The following NLRP7 variants were observed in gnomAD, a reference collection of about 807,000 sequenced individuals.
NLRP7 encodes the protein NACHT, LRR and PYD domains-containing protein 7.
Under a neutral mutation model 85.5 loss-of-function variants are expected in NLRP7, and 72 were observed. The observed-to-expected ratio is 0.84, with a 90% CI of 0.70 to 1.02. The LOEUF (loss-of-function observed/expected upper bound fraction) is 1.02. Ranked by LOEUF, NLRP7 falls within the 50% of genes least tolerant of loss-of-function variation. The pLI is 0.00. For synonymous variants in NLRP7, 550 were observed against 505.2 expected (o/e 1.09, Z -1.19); for missense variants, 1,243 against 1,219.5 (o/e 1.02, Z -0.29).
chr19:54,960,325 T>TTTGTATTTTTA (rs769532154), intron 1 of NLRP7, among the ~76,000 whole-genome samples: 4 of 151,548 alleles, frequency 2.6e-5, no homozygotes, highest in Non-Finnish European at 5.9e-5. Context: ...CCAGCTAACT[T>TTTGTATTTTTA]TTGTATTTTT....
intron 9 of NLRP7, among the ~76,000 whole-genome samples, chr19:54,928,876 C>A (rs998897551): frequency 1.3e-5 from 2 of 151,908 alleles, no homozygotes; most frequent in Non-Finnish European, 2.9e-5. Context: ...GATCTCGGCT[C>A]ACTGCAACCT....
chr19:54,963,194 G>C (rs2070120607), intron 1 of NLRP7, among the ~76,000 whole-genome samples: 1 of 151,632 alleles, frequency 6.6e-6, no homozygotes, highest in African/African-American at 2.4e-5. Flanking sequence ...CCATGGGGTT[G>C]AGACCAGCCT....
rs1378526609 is a variant in NLRP7 at position 54,930,703 on chromosome 19, C to G, written c.2643-37G>C. On this transcript the variant is annotated intron_variant, in intron 8 of 9. Transcript: ENST00000340844. ...TCAAAGGAAGAGAAGCCTGTTATCC[C>G]TCTGGCTAACGCCCTGTGAAGCAGT... is the stretch of plus-strand genomic sequence containing the variant. The G allele has an allele frequency of 3.2e-6, 5 of 1,568,970 alleles. No homozygotes were observed. The Admixed American group carries it at 8.3e-5, about 26-fold the overall frequency.
At chr19:54,932,802 C>T (rs945301330) in intron 8 of NLRP7, among the ~76,000 whole-genome samples, 6 of 151,946 alleles carry the variant, frequency 3.9e-5, no homozygotes, top group Non-Finnish European at 7.4e-5. Context: ...ACTATAGGCA[C>T]GCACCACCAA....
chr19:54,947,958 A>G (rs1252865566), upstream of NLRP7: 1 of 245,082 alleles, frequency 4.1e-6, no homozygotes, highest in Admixed American at 5.1e-5. Flanking sequence ...CTTTGTGGCC[A>G]ACTGTGGTGC....
In NLRP7 at chr19:54,938,738, C is replaced by A. The variant is rs58500957; in HGVS notation, c.1931+150G>T. 2,946 of 889,802 alleles carry A rather than the reference C, an allele frequency of 3.3e-3. 37 individuals are homozygous for A. In the African/African-American group the frequency reaches 0.038, roughly 12 times the overall value. 55.1% of individuals were successfully genotyped at this position (889,802 alleles called of 1,614,324 possible). On this transcript the variant is annotated intron_variant, in intron 4 of 9. Coordinates refer to ENST00000340844, the Ensembl canonical transcript of NLRP7. ...GAGACTCCGTCTCAAAAATAAAAAG[C>A]CCCAATTCCTAATTGCCAAGTCGTG...
chr19:54,939,193 C>T, exon 4 of NLRP7: 12 of 1,614,246 alleles, frequency 7.4e-6, no homozygotes, highest in Non-Finnish European at 1.0e-5. Flanking sequence ...TGTCCGGTGA[C>T]ATCCGGCAGC....
At chr19:54,937,900 C>CAAA (rs59058059) in intron 5 of NLRP7, 144 bp downstream of exon 5, 34,180 of 496,514 alleles carry the variant, frequency 0.069, 621 homozygotes, top group African/African-American at 0.088. Context: ...TCCGTCTCAC[C>CAAA]AAAAAAAAAA....
intron 9 of NLRP7, among the ~76,000 whole-genome samples, chr19:54,926,944 GC>G (rs1313849391): frequency 2.1e-5 from 3 of 143,800 alleles, no homozygotes; most frequent in Non-Finnish European, 4.5e-5. Flanking sequence ...AAAAAAATTA[GC>G]CAGCTGTGGT....
At chr19:54,940,239 C>T (rs769956012) in exon 4 of NLRP7, 2 of 1,614,194 alleles carry the variant, frequency 1.2e-6, no homozygotes, top group Admixed American at 3.3e-5. Context: ...TCTGTCCAGT[C>T]CAGCATACAC....
exon 10 of NLRP7, chr19:54,923,820 T>G (rs761680219): frequency 1.7e-5 from 27 of 1,614,074 alleles, no homozygotes; most frequent in Non-Finnish European, 2.1e-5. Flanking sequence ...TTCTTTTCTT[T>G]CACTTCCTCC....
chr19:54,954,032 A>ACGCCTGT (rs1290396057), intron 1 of NLRP7, among the ~76,000 whole-genome samples: 2 of 145,178 alleles, frequency 1.4e-5, no homozygotes, highest in African/African-American at 5.3e-5. Flanking sequence ...AAATAAAAAT[A>ACGCCTGT]AATAAAGCAT....
intron 8 of NLRP7, among the ~76,000 whole-genome samples, chr19:54,931,359 C>T (rs961132724): frequency 2.0e-5 from 3 of 152,060 alleles, no homozygotes; most frequent in African/African-American, 7.2e-5. Flanking sequence ...GAGTTCAAGA[C>T]CAGCCTGGCC....
exon 4 of NLRP7, chr19:54,940,221 G>A (rs1191537798): frequency 1.2e-6 from 2 of 1,614,196 alleles, no homozygotes; most frequent in African/African-American, 2.7e-5. Flanking sequence ...GTCGGGCTGA[G>A]GTTGCAGTCT....
chr19:54,933,820 G>A (rs2068776562), intron 7 of NLRP7, 81 bp from the exon 8 acceptor site: 4 of 1,216,328 alleles, frequency 3.3e-6, no homozygotes. Context: ...CACATGCTAG[G>A]GTACTCAGCT....
At position 54,953,540 on chromosome 19, in the gene NLRP7, ATTTCATTCCTGGGCCGCGG is replaced by A. The variant is rs1209301924; in HGVS notation, c.-76-6054_-76-6036del. On this transcript the variant is annotated intron_variant, in intron 1 of 2. Coordinates refer to the NLRP7 transcript ENST00000587103. ...GTGGCGCCGGGCTGTCTGCTTGTGG[ATTTCATTCCTGGGCCGCGG>A]GGCTGTCTGCTTGTGGATTTCATTC... Among the ~76,000 whole-genome samples, 7 of 149,224 alleles carry A rather than the reference ATTTCATTCCTGGGCCGCGG, an allele frequency of 4.7e-5. No individual in the cohort carries two copies. In the East Asian group the frequency reaches 5.8e-4, roughly 12 times the overall value.
chr19:54,932,653 G>A (rs1268573199), intron 8 of NLRP7, among the ~76,000 whole-genome samples: 1 of 150,960 alleles, frequency 6.6e-6, no homozygotes, highest in Non-Finnish European at 1.5e-5. Context: ...TTTTTGTTGA[G>A]TTTTTTTTTG....
At chr19:54,939,247 G>A in exon 4 of NLRP7, 1 of 1,614,220 alleles carries the variant, frequency 6.2e-7, no homozygotes, top group South Asian at 1.1e-5. Context: ...CGTTAGCGAG[G>A]CCGAATAAGA....
intron 1 of NLRP7, among the ~76,000 whole-genome samples, chr19:54,964,365 CG>C (rs1246438814): frequency 6.7e-6 from 1 of 149,300 alleles, no homozygotes; most frequent in African/African-American, 2.4e-5. Flanking sequence ...TACAGGTGCC[CG>C]CCACCACGCC....
Sources: gnomAD v4.1 joint callset for allele counts (sites outside exome capture counted in the v4.1 genomes callset) on GRCh38, gnomAD v4.1.1 for gene constraint, MANE v1.5 for transcripts, NCBI Gene and HGNC (gene_info 2026-07-23, HGNC 2026-07-21) for gene names.